Variants in BCO2 observed in about 807,000 individuals in gnomAD.
BCO2 encodes beta-carotene oxygenase 2.
A neutral mutation model predicts 65.8 loss-of-function variants in BCO2; 56 were observed. That is an observed-to-expected ratio of 0.85 (90% CI 0.69 to 1.06). The LOEUF is 1.06. BCO2 is among the 50% of genes least tolerant of loss of function. The probability of loss-of-function intolerance (pLI) is 0.00; values close to 1 mark genes in which losing one functional copy is unlikely to be tolerated. For missense variants in BCO2, 675 were observed against 698.5 expected (o/e 0.97, Z 0.38); for synonymous variants, 233 against 242.3 (o/e 0.96, Z 0.36).
chr11:112,211,605 T>C (rs1859514974), intron 8 of BCO2, among the ~76,000 whole-genome samples: 2 of 152,220 alleles, frequency 1.3e-5, no homozygotes, highest in Non-Finnish European at 2.9e-5. Flanking sequence ...TTCCAGTTCT[T>C]CACGTTTTTA....
intron 8 of BCO2, among the ~76,000 whole-genome samples, chr11:112,211,352 A>ACACACT (rs147391427): frequency 0.17 from 25,808 of 148,804 alleles, 2,719 homozygotes; most frequent in South Asian, 0.3. Context: ...ACACACACAC[A>ACACACT]ATATTTGTTT....
intron 8 of BCO2, chr11:112,208,606 C>A: frequency 4.5e-6 from 1 of 222,624 alleles, no homozygotes; most frequent in African/African-American, 2.4e-5. Context: ...TCATGATGGG[C>A]AGCAAGATGC....
chr11:112,179,468 G>A lies in BCO2; in HGVS notation c.279G>A (p.Glu93=), dbSNP rs904063105. The A allele has an allele frequency of 6.2e-6, 10 of 1,613,934 alleles. No homozygotes were observed. Among genetic ancestry groups the A allele is most frequent in the African/African-American group, 1.3e-5 (1 of 74,876 alleles). ...TTCGAATTGGACCTGGGAAATTCGA[G>A]TTTGGGAAGGATAAGTAAGCCTTGA... ...SLLRIGPGKF[E]FGKDKYNHWF... The change falls in exon 2 of 12, where the codon GAG becomes GAA. Residue 93 remains glutamate (E), a synonymous_variant. Coordinates refer to ENST00000357685, the MANE Select transcript of BCO2 (RefSeq NM_031938.7).
chr11:112,193,737 C>T (rs1867474400), intron 3 of BCO2, 40 bp downstream of exon 3: 7 of 1,574,180 alleles, frequency 4.4e-6, no homozygotes, highest in Non-Finnish European at 6.1e-6. Context: ...GATATATAAC[C>T]ATCTATACAA....
chr11:112,190,996 G>A (rs1464212118), intron 2 of BCO2, among the ~76,000 whole-genome samples: 1 of 148,946 alleles, frequency 6.7e-6, no homozygotes, highest in African/African-American at 2.5e-5. Context: ...AATATCTTAT[G>A]TATCTCTATC....
chr11:112,180,825 T>A, intron 2 of BCO2: 1 of 1,051,066 alleles, frequency 9.5e-7, no homozygotes, highest in Non-Finnish European at 1.5e-6. Context: ...GGAAAGGTAG[T>A]TGTTGTATAT....
intron 2 of BCO2, among the ~76,000 whole-genome samples, chr11:112,191,172 G>A (rs1386366265): frequency 6.6e-6 from 1 of 151,432 alleles, no homozygotes; most frequent in African/African-American, 2.4e-5. Flanking sequence ...GAGACACAAG[G>A]ACTAGTAAAG....
Position 112,179,559 on chromosome 11 carries a change from T to G in BCO2, c.293+77T>G, listed in dbSNP as rs1454437569. The G allele has an allele frequency of 3.9e-6, 5 of 1,268,408 alleles. No individual in the cohort carries two copies. The East Asian group carries it at 1.2e-4, about 29-fold the overall frequency. The allele number at this position is 1,268,408 out of a possible 1,614,324, so 78.6% of individuals were successfully genotyped here. The stretch of plus-strand genomic sequence containing the variant: ...TGTGGAATATGCATTAATATCTGCT[T>G]CCTCTGTGAGGTTAATATTTCCATT... On this transcript the variant is annotated intron_variant, in intron 2 of 11. Transcript: ENST00000357685.
chr11:112,206,868 G>A (rs530416726), intron 8 of BCO2, among the ~76,000 whole-genome samples: 6 of 152,178 alleles, frequency 3.9e-5, no homozygotes, highest in Non-Finnish European at 8.8e-5. Context: ...ATTTATTTGG[G>A]TCTTTTAAAA....
At chr11:112,177,743 T>C (rs1172771099) in intron 1 of BCO2, among the ~76,000 whole-genome samples, 1 of 152,078 alleles carries the variant, frequency 6.6e-6, no homozygotes, top group Non-Finnish European at 1.5e-5. Context: ...AGAGAGGTGA[T>C]AAGTGCCTTT....
intron 8 of BCO2, among the ~76,000 whole-genome samples, chr11:112,202,547 C>G (rs1179651905): frequency 6.6e-6 from 1 of 152,044 alleles, no homozygotes; most frequent in Non-Finnish European, 1.5e-5. Context: ...CTCCCAAAGT[C>G]TTGGGATTAC....
At chr11:112,192,518 C>A (rs567768057) in intron 2 of BCO2, among the ~76,000 whole-genome samples, 59 of 151,856 alleles carry the variant, frequency 3.9e-4, no homozygotes, top group African/African-American at 1.2e-3. Context: ...ATCATATGGA[C>A]AAAAATGATT....
chr11:112,180,940 C>G (rs1391612510), intron 2 of BCO2: 2 of 1,135,124 alleles, frequency 1.8e-6, no homozygotes, highest in African/African-American at 3.0e-5. Flanking sequence ...TTGCTTTGAA[C>G]AGGGATGATG....
At chr11:112,181,380 A>G in intron 2 of BCO2, 1 of 532,974 alleles carries the variant, frequency 1.9e-6, no homozygotes. Flanking sequence ...ACGGGGTTTC[A>G]CCGTTTTAGC....
In BCO2 at chr11:112,179,274, A is replaced by G. The variant is rs1381354310; in HGVS notation, c.89-4A>G. On this transcript the variant is annotated splice_region_variant and splice_polypyrimidine_tract_variant and intron_variant, in intron 1 of 11. Transcript: ENST00000357685. ...TTTTTGTGCTTTTGGTTTCCTCTGC[A>G]CAGTTTTCAAAAGGTACATGGGAAA... is the stretch of plus-strand genomic sequence containing the variant. 1.9e-6 allele frequency: 3 copies of G among 1,613,828 alleles called. No homozygotes were observed. Among genetic ancestry groups the G allele is most frequent in the South Asian group, 2.2e-5 (2 of 91,080 alleles).
intron 2 of BCO2, chr11:112,183,190 G>A: frequency 1.1e-6 from 1 of 942,686 alleles, no homozygotes; most frequent in East Asian, 2.4e-5. Context: ...AGTGTCAGAT[G>A]AGAAATTTTA....
intron 2 of BCO2, among the ~76,000 whole-genome samples, chr11:112,193,171 GA>G (rs1867450130): frequency 6.6e-6 from 1 of 151,126 alleles, no homozygotes; most frequent in Non-Finnish European, 1.5e-5. Flanking sequence ...GTAGAGATGG[GA>G]TTTCACCACG....
At chr11:112,215,075 GA>G (rs1859626251) in intron 10 of BCO2, 131 bp downstream of exon 10, 1 of 900,504 alleles carries the variant, frequency 1.1e-6, no homozygotes, top group Non-Finnish European at 1.7e-6. Context: ...TTTTATTTGA[GA>G]ACTATGAAAT....
chr11:112,192,511 A>G (rs1867419888), intron 2 of BCO2, among the ~76,000 whole-genome samples: 1 of 152,152 alleles, frequency 6.6e-6, no homozygotes, highest in South Asian at 2.1e-4. Context: ...TAGTGTAATC[A>G]TATGGACAAA....
Sources: gnomAD v4.1 joint callset for allele counts (sites outside exome capture counted in the v4.1 genomes callset) on GRCh38, gnomAD v4.1.1 for gene constraint, MANE v1.5 for transcripts, NCBI Gene and HGNC (gene_info 2026-07-23, HGNC 2026-07-21) for gene names.